NF1: variants seen among roughly 807,000 people sequenced by gnomAD.
NF1 encodes neurofibromin.
A neutral mutation model predicts 325.7 loss-of-function variants in NF1; 122 were observed. The ratio of observed to expected loss-of-function variants is 0.37; its 90% CI spans 0.32 to 0.44. The LOEUF (loss-of-function observed/expected upper bound fraction) is 0.44, where lower values mean the gene tolerates loss of function less well. Among genes scored for constraint, NF1 ranks in the 20% least tolerant of loss-of-function variants. The pLI, the probability that NF1 is intolerant of heterozygous loss-of-function variation, is 1.00. For missense variants in NF1, 2,140 were observed against 3,415.4 expected (o/e 0.63, Z 9.31); for synonymous variants, 1,091 against 1,186.0 (o/e 0.92, Z 1.65).
chr17:31,102,726 C>A (rs1451988656), intron 1 of NF1, among the ~76,000 whole-genome samples: 2 of 150,854 alleles, frequency 1.3e-5, no homozygotes, highest in African/African-American at 2.5e-5. Context: ...CAGAGTGAGA[C>A]CCTGTCTTCC....
chr17:31,097,232 T>A (rs1281377890), intron 1 of NF1, among the ~76,000 whole-genome samples: 1 of 151,930 alleles, frequency 6.6e-6, no homozygotes, highest in Non-Finnish European at 1.5e-5. Flanking sequence ...CCAAGGCAGG[T>A]GGATCACCTG....
intron 46 of NF1, among the ~76,000 whole-genome samples, chr17:31,339,292 C>T (rs563948199): frequency 6.6e-6 from 1 of 152,192 alleles, no homozygotes; most frequent in South Asian, 2.1e-4. Flanking sequence ...ACTTGATCGT[C>T]ATAAGAGTTT....
rs2151601621 is a variant in NF1, at chr17:31,374,136, G to A, written c.8501G>A (p.Ser2834Asn). The A allele has an allele frequency of 1.9e-6, 3 of 1,614,050 alleles. No homozygotes were observed. The highest frequency in any genetic ancestry group is 2.5e-6 in the Non-Finnish European group (3 of 1,179,950). The change falls in exon 58 of 58, where the codon AGC (serine) becomes AAC (asparagine). Residue 2834 changes from serine (S) to asparagine (N), a missense_variant. Physicochemically the swap from Ser to Asn is conservative, Grantham distance 46 (BLOSUM62 1). Coordinates refer to ENST00000358273, the MANE Select transcript of NF1 (RefSeq NM_001042492.3). ...AGCGCTGGCAGTTTCAAACGTAATA[G>A]CATTAAGAAGATCGTGTGAAGCTTG... ...QRSAGSFKRN[S>N]IKKIV
intron 29 of NF1, among the ~76,000 whole-genome samples, chr17:31,241,065 A>G (rs999728456): frequency 6.6e-6 from 1 of 152,028 alleles, no homozygotes; most frequent in Non-Finnish European, 1.5e-5. Context: ...TTTAGTAGAG[A>G]CAGGGTTTCA....
At chr17:31,305,091 A>C (rs760159568) in intron 36 of NF1, 2 of 1,613,968 alleles carry the variant, frequency 1.2e-6, no homozygotes, top group Non-Finnish European at 1.7e-6. Flanking sequence ...AATTTTTGAC[A>C]GTTGATGTTG....
chr17:31,218,627 A>G, intron 13 of NF1, among the ~76,000 whole-genome samples: 1 of 150,216 alleles, frequency 6.7e-6, no homozygotes, highest in East Asian at 2.0e-4. Flanking sequence ...GCTGGAGTGC[A>G]GCGGTGCAAT....
intron 27 of NF1, 149 bp downstream of exon 27, chr17:31,233,362 G>A (rs951369882): frequency 2.4e-6 from 2 of 835,780 alleles, no homozygotes; most frequent in Non-Finnish European, 3.9e-6. Context: ...TTCAGCTGTA[G>A]GGAAGTGGTT....
intron 36 of NF1, among the ~76,000 whole-genome samples, chr17:31,285,375 G>C (rs1170283801): frequency 1.3e-5 from 2 of 152,012 alleles, no homozygotes; most frequent in Admixed American, 1.3e-4. Flanking sequence ...CACCTTTGGA[G>C]GTGATGCACT....
At chr17:31,318,791 T>C in intron 36 of NF1, 1 of 1,614,038 alleles carries the variant, frequency 6.2e-7, no homozygotes, top group Non-Finnish European at 8.5e-7. Flanking sequence ...GGCATGTTTG[T>C]AGAATTACCT....
In NF1 at chr17:31,358,803, C is replaced by A. The variant is rs897265309; in HGVS notation, c.8114-166C>A. The A allele has an allele frequency of 4.8e-6, 5 of 1,048,620 alleles. No homozygotes were observed. The African/African-American group carries it at 6.4e-5, about 13-fold the overall frequency. The allele number at this position is 1,048,620 out of a possible 1,614,324, so 65.0% of individuals were successfully genotyped here. On this transcript the variant is annotated intron_variant, in intron 55 of 57. Transcript: ENST00000358273. ...TGTAACTGGTTGACAACTTTTTATG[C>A]TGAGTATATTTTAAGTAGGTTTTAG...
intron 1 of NF1, among the ~76,000 whole-genome samples, chr17:31,098,079 G>T (rs1456567415): frequency 6.7e-6 from 1 of 149,154 alleles, no homozygotes; most frequent in East Asian, 1.9e-4. Flanking sequence ...GGTTTTCAGT[G>T]TTTAACATAA....
At chr17:31,297,394 A>T (rs1046325208) in intron 36 of NF1, 26 of 152,154 alleles carry the variant, frequency 1.7e-4, no homozygotes, top group African/African-American at 6.3e-4. Flanking sequence ...AAAATGGACA[A>T]TTTTTTAAAA....
intron 39 of NF1, chr17:31,331,559 C>T (rs2069488339): frequency 6.6e-6 from 1 of 151,938 alleles, no homozygotes; most frequent in Admixed American, 6.6e-5. Flanking sequence ...CATACATGTG[C>T]AAGAATCAGC....
chr17:31,181,880 T>C (rs2066144246), intron 7 of NF1, 95 bp downstream of exon 7: 1 of 911,014 alleles, frequency 1.1e-6, no homozygotes, highest in Non-Finnish European at 1.8e-6. Flanking sequence ...ATTTTTGTTA[T>C]AAAGGTGCTT....
chr17:31,219,349 TC>T (rs1337828019), intron 14 of NF1: 1 of 256,104 alleles, frequency 3.9e-6, no homozygotes, highest in East Asian at 7.0e-5. Flanking sequence ...ATAAAATAGT[TC>T]GAGATTTTCT....
At chr17:31,324,934 C>T (rs1208088326) in intron 36 of NF1, among the ~76,000 whole-genome samples, 1 of 152,192 alleles carries the variant, frequency 6.6e-6, no homozygotes. Flanking sequence ...GTAGTATTAT[C>T]ACCAGAATCA....
intron 5 of NF1, among the ~76,000 whole-genome samples, chr17:31,174,427 A>G (rs545612854): frequency 6.6e-6 from 1 of 152,312 alleles, no homozygotes; most frequent in South Asian, 2.1e-4. Flanking sequence ...GGGCCCTAAA[A>G]ATATTCATCT....
At position 31,305,761 on chromosome 17, in the gene NF1, G is replaced by T; in HGVS notation, c.4836-20059G>T. ...ATTCCTAATTAGTAGTAGTTGATTA[G>T]TAGTTATTATTCCTAATTTAGACTT... On this transcript the variant is annotated intron_variant, in intron 36 of 57. Transcript: ENST00000358273. 6 of 764,322 alleles carry T rather than the reference G, an allele frequency of 7.9e-6. No individual in the cohort carries two copies. The East Asian group carries it at 1.3e-4, about 17-fold the overall frequency. The allele number at this position is 764,322 out of a possible 1,614,324, so 47.3% of individuals were successfully genotyped here. A position where few individuals can be genotyped will look rare whatever the true frequency, so the allele number is the denominator to read the frequency against.
At chr17:31,262,727 G>T (rs8075995) in intron 35 of NF1, among the ~76,000 whole-genome samples, 45 of 152,078 alleles carry the variant, frequency 3.0e-4, no homozygotes, top group Non-Finnish European at 5.9e-4. Flanking sequence ...ATAAACATAA[G>T]AATGTATGGG....
Sources: allele counts gnomAD v4.1 joint callset (sites outside exome capture counted in the v4.1 genomes callset), GRCh38; gene constraint gnomAD v4.1.1; transcripts MANE v1.5; gene names NCBI Gene and HGNC (gene_info 2026-07-23, HGNC 2026-07-21).